SLC4A10: variants seen among roughly 807,000 people sequenced by gnomAD.
SLC4A10 encodes sodium-driven chloride bicarbonate exchanger.
SLC4A10 carries 42 observed loss-of-function variants against 137.7 expected under a neutral mutation model. The observed-to-expected ratio is 0.30, with a 90% confidence interval of 0.24 to 0.39. The LOEUF is 0.39. Among genes scored for constraint, SLC4A10 ranks in the 10% least tolerant of loss-of-function variants. The pLI is 1.00. For synonymous variants in SLC4A10, 474 were observed against 464.1 expected, an observed-to-expected ratio of 1.02 and a Z score of -0.27; for missense variants, 925 against 1,355.0, an observed-to-expected ratio of 0.68 and a Z score of 4.98.
intron 2 of SLC4A10, among the ~76,000 whole-genome samples, chr2:161,791,783 T>C (rs1214877076): frequency 6.6e-6 from 1 of 152,206 alleles, no homozygotes; most frequent in East Asian, 1.9e-4. Flanking sequence ...TTTGTTTGTT[T>C]GAAGTGAGAG....
chr2:161,897,206 C>T (rs2063593599), intron 11 of SLC4A10, among the ~76,000 whole-genome samples: 1 of 139,214 alleles, frequency 7.2e-6, no homozygotes, highest in Admixed American at 7.7e-5. Flanking sequence ...AAATATAAAG[C>T]ATTGCTATTT....
intron 1 of SLC4A10, among the ~76,000 whole-genome samples, chr2:161,699,242 G>A (rs186644719): frequency 7.8e-4 from 119 of 152,164 alleles, no homozygotes; most frequent in African/African-American, 2.7e-3. Flanking sequence ...AGATGGTCTC[G>A]ATCTCCTGAC....
intron 8 of SLC4A10, among the ~76,000 whole-genome samples, chr2:161,878,039 A>T (rs1002881116): frequency 1.3e-5 from 2 of 152,130 alleles, no homozygotes; most frequent in East Asian, 3.8e-4. Flanking sequence ...ACTAAGTATT[A>T]CTATGGATTT....
Position 161,944,195 on chromosome 2 carries a change from A to G in SLC4A10, c.2103+1298A>G, listed in dbSNP as rs185615408. On this transcript the variant is annotated intron_variant, in intron 16 of 26. Transcript: ENST00000446997. ...AAAAGAATTGATGAGCTGATCAAGA[A>G]AAAACACTATAGTTATTCAGAATTT... Among the ~76,000 whole-genome samples, 18 of 151,966 alleles carry G rather than the reference A, an allele frequency of 1.2e-4. No homozygotes were observed. The East Asian group carries it at 2.5e-3, about 21-fold the overall frequency.
intron 3 of SLC4A10, among the ~76,000 whole-genome samples, chr2:161,814,766 G>A (rs1000931627): frequency 2.0e-5 from 3 of 152,096 alleles, no homozygotes; most frequent in Non-Finnish European, 4.4e-5. Context: ...GAAACCACCA[G>A]AGAGGAGAGG....
At chr2:161,715,984 C>T (rs866647898) in intron 1 of SLC4A10, among the ~76,000 whole-genome samples, 6 of 152,110 alleles carry the variant, frequency 3.9e-5, no homozygotes, top group African/African-American at 9.7e-5. Context: ...TCCACAGCCT[C>T]GCTAGCATCT....
chr2:161,883,678 T>A (rs556030385), intron 10 of SLC4A10, among the ~76,000 whole-genome samples: 2 of 152,232 alleles, frequency 1.3e-5, no homozygotes, highest in East Asian at 3.9e-4. Flanking sequence ...TAGGGGAGGA[T>A]CCTTCCTTGT....
intron 15 of SLC4A10, among the ~76,000 whole-genome samples, chr2:161,918,146 G>T (rs937905476): frequency 2.0e-5 from 3 of 152,116 alleles, no homozygotes; most frequent in Admixed American, 2.0e-4. Flanking sequence ...TGTTTTTGTT[G>T]TTTGTTTTGT....
At chr2:161,823,959 G>A (rs2057834492) in intron 3 of SLC4A10, among the ~76,000 whole-genome samples, 1 of 152,186 alleles carries the variant, frequency 6.6e-6, no homozygotes, top group Non-Finnish European at 1.5e-5. Context: ...AGGAAAAGAT[G>A]AGTACTGCCT....
At chr2:161,636,424 C>A (rs1413074179) in intron 1 of SLC4A10, among the ~76,000 whole-genome samples, 8 of 151,896 alleles carry the variant, frequency 5.3e-5, no homozygotes, top group Non-Finnish European at 1.5e-5. Context: ...GTTGGAGTTT[C>A]ATTCTTGTTG....
At chr2:161,899,259 A>G (rs2063847608) in intron 11 of SLC4A10, among the ~76,000 whole-genome samples, 1 of 152,070 alleles carries the variant, frequency 6.6e-6, no homozygotes, top group Non-Finnish European at 1.5e-5. Context: ...ATACAATACT[A>G]TTAAATTTAC....
At chr2:161,768,461 A>G (rs759938164) in intron 1 of SLC4A10, among the ~76,000 whole-genome samples, 1 of 151,944 alleles carries the variant, frequency 6.6e-6, no homozygotes, top group Non-Finnish European at 1.5e-5. Flanking sequence ...AAAGACTACA[A>G]ATTTTTGGCA....
intron 1 of SLC4A10, among the ~76,000 whole-genome samples, chr2:161,691,294 A>G (rs1271865837): frequency 7.3e-6 from 1 of 137,244 alleles, no homozygotes; most frequent in Non-Finnish European, 1.6e-5. Context: ...TAGAGAGTAG[A>G]AGGATGGTTA....
intron 15 of SLC4A10, among the ~76,000 whole-genome samples, chr2:161,919,480 A>T (rs1157014232): frequency 2.0e-5 from 3 of 151,940 alleles, no homozygotes; most frequent in African/African-American, 7.3e-5. Context: ...AGCCCATAAA[A>T]ACCCCAGACT....
At chr2:161,732,724 A>C (rs1457376639) in intron 1 of SLC4A10, among the ~76,000 whole-genome samples, 1 of 152,190 alleles carries the variant, frequency 6.6e-6, no homozygotes, top group Admixed American at 6.5e-5. Context: ...AGACAGGAAA[A>C]TGTGGGCAAG....
chr2:161,883,659 C>A (rs567353942), intron 10 of SLC4A10, among the ~76,000 whole-genome samples: 1 of 152,090 alleles, frequency 6.6e-6, no homozygotes, highest in East Asian at 1.9e-4. Flanking sequence ...ACAATCCCTT[C>A]GAAGTCTCTA....
chr2:161,923,981 G>T (rs2105528706), intron 15 of SLC4A10, among the ~76,000 whole-genome samples: 1 of 152,168 alleles, frequency 6.6e-6, no homozygotes, highest in East Asian at 1.9e-4. Context: ...AACCTGGCTG[G>T]AGACCTCAGT....
chr2:161,983,318 T>C lies in SLC4A10; in HGVS notation c.*166T>C. 7.2e-7 allele frequency: 1 copy of C among 1,381,962 alleles called. No homozygotes were observed. Among genetic ancestry groups the C allele is most frequent in the Non-Finnish European group, 9.9e-7 (1 of 1,013,098 alleles). 85.6% of individuals were successfully genotyped at this position (1,381,962 alleles called of 1,614,324 possible). On this transcript the variant is annotated 3_prime_UTR_variant, in exon 27 of 27. Coordinates refer to ENST00000446997, the MANE Select transcript of SLC4A10 (RefSeq NM_001178015.2). ...ATTATTAATAAAACTGCTTTGATCA[T>C]GTATTGTAAATTCTGTCCCTCAACC...
chr2:161,714,667 A>G (rs1360118321), intron 1 of SLC4A10, among the ~76,000 whole-genome samples: 1 of 152,004 alleles, frequency 6.6e-6, no homozygotes, highest in African/African-American at 2.4e-5. Flanking sequence ...GGAAAGCTGT[A>G]TACCACAGTA....
Sources: allele counts gnomAD v4.1 joint callset (sites outside exome capture counted in the v4.1 genomes callset), GRCh38; gene constraint gnomAD v4.1.1; transcripts MANE v1.5; gene names NCBI Gene and HGNC (gene_info 2026-07-23, HGNC 2026-07-21).